The following AP3B1 variants were observed in gnomAD, a reference collection of about 807,000 sequenced individuals.
AP3B1 encodes AP-3 complex subunit beta-1.
Under a neutral mutation model 132.5 loss-of-function variants are expected in AP3B1, and 61 were observed. The observed-to-expected ratio is 0.46, with a 90% confidence interval of 0.37 to 0.57. AP3B1 has a LOEUF of 0.57. Ranked by LOEUF, AP3B1 falls within the 20% of genes least tolerant of loss-of-function variation. AP3B1 has a pLI of 0.00. For synonymous variants in AP3B1, 388 were observed against 438.3 expected (o/e 0.89, Z 1.43); for missense variants, 1,120 against 1,289.4 (o/e 0.87, Z 2.01).
chr5:78,124,969 A>C (rs574541994), intron 17 of AP3B1, among the ~76,000 whole-genome samples: 16 of 152,320 alleles, frequency 1.1e-4, no homozygotes, highest in Non-Finnish European at 2.1e-4. Context: ...GACGAACAAT[A>C]AAAGTATCTT....
At chr5:78,043,702 T>A (rs1162628430) in intron 22 of AP3B1, 1 of 431,090 alleles carries the variant, frequency 2.3e-6, no homozygotes, top group East Asian at 6.0e-5. Context: ...TTCATCATTG[T>A]TGTGCTTTGT....
At chr5:78,081,495 G>C (rs1750003496) in intron 22 of AP3B1, among the ~76,000 whole-genome samples, 1 of 151,686 alleles carries the variant, frequency 6.6e-6, no homozygotes, top group African/African-American at 2.4e-5. Context: ...ATTTTTAGTA[G>C]AGACGGGGTT....
intron 24 of AP3B1, among the ~76,000 whole-genome samples, chr5:78,033,779 A>G (rs1292274078): frequency 6.6e-6 from 1 of 151,952 alleles, no homozygotes; most frequent in Non-Finnish European, 1.5e-5. Context: ...ACAAAATCCA[A>G]TCCTAAAAAA....
intron 2 of AP3B1, among the ~76,000 whole-genome samples, chr5:78,262,730 T>C (rs926951174): frequency 1.1e-4 from 16 of 151,864 alleles, no homozygotes; most frequent in African/African-American, 3.4e-4. Flanking sequence ...TCTCGCTCTG[T>C]TGCCCAGGCT....
rs1746953060 is a variant in AP3B1 at position 78,237,963 on chromosome 5, G to A, written c.279+2899C>T. Reference sequence around the variant, plus strand: ...AACTTACACAAACCTACATGGTATAGACTACTACACACCTAGGATATATGA... The same window carrying A: ...AACTTACACAAACCTACATGGTATAAACTACTACACACCTAGGATATATGA... On this transcript the variant is annotated intron_variant, in intron 3 of 26. Transcript: ENST00000255194. Among the ~76,000 whole-genome samples, 3 of 152,302 alleles carry A rather than the reference G, an allele frequency of 2.0e-5. No homozygotes were observed. In the South Asian group the frequency reaches 6.2e-4, roughly 32 times the overall value.
chr5:78,165,031 C>G (rs566192807), intron 12 of AP3B1, among the ~76,000 whole-genome samples: 1 of 152,066 alleles, frequency 6.6e-6, no homozygotes, highest in Non-Finnish European at 1.5e-5. Flanking sequence ...GATGACCTTT[C>G]CATCATAAAG....
intron 22 of AP3B1, among the ~76,000 whole-genome samples, chr5:78,044,531 C>T (rs191286634): frequency 5.3e-5 from 8 of 152,096 alleles, no homozygotes; most frequent in Admixed American, 1.3e-4. Flanking sequence ...CATATAATAT[C>T]GGGGAAAGAA....
chr5:78,040,523 A>C (rs1329719616), intron 22 of AP3B1, among the ~76,000 whole-genome samples: 2 of 152,138 alleles, frequency 1.3e-5, no homozygotes, highest in Non-Finnish European at 2.9e-5. Context: ...TTAGACTCTT[A>C]ATTAAATTCT....
intron 15 of AP3B1, among the ~76,000 whole-genome samples, 166 bp downstream of exon 15, chr5:78,140,977 A>C (rs1297054537): frequency 6.6e-6 from 1 of 152,214 alleles, no homozygotes; most frequent in Non-Finnish European, 1.5e-5. Flanking sequence ...TTACTAGACT[A>C]GAATGTCATC....
At chr5:78,196,325 A>G (rs937901812) in intron 7 of AP3B1, among the ~76,000 whole-genome samples, 81 of 152,250 alleles carry the variant, frequency 5.3e-4, no homozygotes, top group South Asian at 2.1e-4. Context: ...ATGATATACT[A>G]TAACACATTT....
chr5:78,038,505 A>G (rs992484748), intron 23 of AP3B1, among the ~76,000 whole-genome samples: 1 of 152,212 alleles, frequency 6.6e-6, no homozygotes, highest in African/African-American at 2.4e-5. Flanking sequence ...AAACTTTATG[A>G]ATTTGTGTTA....
chr5:78,052,494 T>C (rs1227980334), intron 22 of AP3B1, among the ~76,000 whole-genome samples: 2 of 152,182 alleles, frequency 1.3e-5, no homozygotes, highest in Non-Finnish European at 2.9e-5. Flanking sequence ...ATGAAATTCA[T>C]TTTAGTGTCT....
intron 17 of AP3B1, among the ~76,000 whole-genome samples, chr5:78,121,181 C>G (rs1580373996): frequency 6.6e-6 from 1 of 151,972 alleles, no homozygotes; most frequent in South Asian, 2.1e-4. Context: ...ATCTCTGGGA[C>G]ACATTCAAAG....
At chr5:78,181,071 G>A (rs559709776) in intron 8 of AP3B1, among the ~76,000 whole-genome samples, 8 of 151,946 alleles carry the variant, frequency 5.3e-5, no homozygotes, top group African/African-American at 1.7e-4. Context: ...AAACAGTATG[G>A]ACTAATACCA....
intron 1 of AP3B1, among the ~76,000 whole-genome samples, chr5:78,272,784 G>C (rs755807155): frequency 3.3e-5 from 5 of 152,086 alleles, no homozygotes; most frequent in Non-Finnish European, 5.9e-5. Flanking sequence ...GGGAGCAAAG[G>C]GGGACAGGGA....
At chr5:78,111,580 C>A (rs1751593203) in intron 19 of AP3B1, among the ~76,000 whole-genome samples, 1 of 151,964 alleles carries the variant, frequency 6.6e-6, no homozygotes, top group Non-Finnish European at 1.5e-5. Flanking sequence ...GACATATAAG[C>A]CAAGATATAG....
At chr5:78,165,483 T>C in intron 12 of AP3B1, 127 bp downstream of exon 12, 1 of 667,286 alleles carries the variant, frequency 1.5e-6, no homozygotes, top group Non-Finnish European at 2.6e-6. Flanking sequence ...ATGAATTTCT[T>C]AGTTGTCAGT....
chr5:78,070,271 G>A (rs764381554), intron 22 of AP3B1, among the ~76,000 whole-genome samples: 3 of 151,996 alleles, frequency 2.0e-5, no homozygotes, highest in African/African-American at 4.8e-5. Context: ...GCCAGGTATC[G>A]TGGTGCACAC....
chr5:78,002,719 G>C lies in AP3B1; in HGVS notation c.*183C>G, dbSNP rs369987939. On this transcript the variant is annotated 3_prime_UTR_variant, in exon 27 of 27. Coordinates refer to ENST00000255194, the MANE Select transcript of AP3B1 (RefSeq NM_003664.5). ...GCTCTTTGGTTAGCAAAGCAAAAAG[G>C]GGGAAAGTATTGCATACATGATAGA... The C allele has an allele frequency of 2.4e-5, 17 of 710,504 alleles. No individual in the cohort carries two copies. The African/African-American group carries it at 3.0e-4, about 13-fold the overall frequency. 44.0% of individuals were successfully genotyped at this position (710,504 alleles called of 1,614,324 possible). A position where few individuals can be genotyped will look rare whatever the true frequency, so the allele number is the denominator to read the frequency against.
Sources: allele counts gnomAD v4.1 joint callset (sites outside exome capture counted in the v4.1 genomes callset), GRCh38; gene constraint gnomAD v4.1.1; transcripts MANE v1.5; gene names NCBI Gene and HGNC (gene_info 2026-07-23, HGNC 2026-07-21).